The following FLT3LG variants were observed in gnomAD, a reference collection of about 807,000 sequenced individuals.
The protein encoded by FLT3LG is fms-related tyrosine kinase 3 ligand.
Under a neutral mutation model 30.9 loss-of-function variants are expected in FLT3LG, and 8 were observed. That is an observed-to-expected ratio of 0.26 (90% CI 0.15 to 0.47). The LOEUF (loss-of-function observed/expected upper bound fraction) is 0.47. FLT3LG is among the 20% of genes least tolerant of loss of function. FLT3LG has a pLI of 0.99. For missense variants in FLT3LG, 278 were observed against 306.2 expected (o/e 0.91, Z 0.69); for synonymous variants, 123 against 135.9 (o/e 0.91, Z 0.66).
At position 49,476,658 on chromosome 19, in the gene FLT3LG, G is replaced by A; in HGVS notation, c.342+92G>A. On this transcript the variant is annotated intron_variant, in intron 5 of 8. Coordinates refer to ENST00000597551, the MANE Select transcript of FLT3LG (RefSeq NM_001459.4). The surrounding 1 kb of genome is among the most constrained non-coding windows in gnomAD (Gnocchi z 5.3). ...TCCACTAGGCCTTATTGGCGATTTGGACCATAGCCACCCAACGAAGGTAGA... is the reference window on the plus strand; with the variant it reads ...TCCACTAGGCCTTATTGGCGATTTGAACCATAGCCACCCAACGAAGGTAGA... The A allele has an allele frequency of 2.6e-6, 4 of 1,552,070 alleles. No individual in the cohort carries two copies. Among genetic ancestry groups the A allele is most frequent in the Non-Finnish European group, 3.5e-6 (4 of 1,137,556 alleles).
At chr19:49,477,650 G>A (rs2079440946) in intron 5 of FLT3LG, among the ~76,000 whole-genome samples, 1 of 151,650 alleles carries the variant, frequency 6.6e-6, no homozygotes, top group Non-Finnish European at 1.5e-5. Flanking sequence ...ACTGAGGCAG[G>A]AGAATTGCTT....
rs1264418086 is a variant in FLT3LG at position 49,476,560 on chromosome 19, C to T, written c.336C>T (p.Ala112=). The T allele has an allele frequency of 6.2e-7, 1 of 1,614,020 alleles. No homozygotes were observed. Among genetic ancestry groups the T allele is most frequent in the African/African-American group, 1.3e-5 (1 of 74,926 alleles). The stretch of plus-strand genomic sequence containing the variant: ...AGATACACTTTGTCACCAAATGTGC[C>T]TTTCAGGTCAGCCCTCAACTTAGGG... ...NTEIHFVTKC[A]FQPPPSCLRF... Residue 112 remains alanine (A), a synonymous_variant, in exon 5 of 9, where the codon GCC becomes GCT. Transcript: ENST00000597551. The surrounding 1 kb of genome is among the most constrained non-coding windows in gnomAD (Gnocchi z 5.3).
At chr19:49,479,127 C>A in intron 6 of FLT3LG, 80 bp downstream of exon 6, 1 of 1,245,374 alleles carries the variant, frequency 8.0e-7, no homozygotes, top group Non-Finnish European at 1.1e-6. Context: ...GCATCCCAGA[C>A]CCCATCTTTC....
At position 49,474,651 on chromosome 19, in the gene FLT3LG, G is replaced by A. The variant is rs777122834; in HGVS notation, c.12G>A (p.Leu4=). ...GGCCCCCGGCCGAAATGACAGTGCT[G>A]GCGCCAGCCTGGAGCCCAACAGTGC... MTV[L]APAWSPTTYL... is the part of the protein sequence containing the mutation. The change falls in exon 2 of 9, where the codon CTG becomes CTA. Residue 4 remains leucine (L), a synonymous_variant. Coordinates refer to ENST00000597551, the MANE Select transcript of FLT3LG (RefSeq NM_001459.4). 1.2e-6 allele frequency: 2 copies of A among 1,612,654 alleles called. No individual in the cohort carries two copies. Among genetic ancestry groups the A allele is most frequent in the African/African-American group, 2.7e-5 (2 of 74,850 alleles).
chr19:49,474,761 G>C (rs2079314446), intron 2 of FLT3LG, 89 bp downstream of exon 2: 1 of 1,378,458 alleles, frequency 7.3e-7, no homozygotes, highest in African/African-American at 1.4e-5. Flanking sequence ...CGGGAGAACA[G>C]ATGGACAGAT....
intron 5 of FLT3LG, among the ~76,000 whole-genome samples, chr19:49,478,647 C>T (rs2122516515): frequency 6.6e-6 from 1 of 152,046 alleles, no homozygotes; most frequent in East Asian, 1.9e-4. Context: ...GTGGTGGGCA[C>T]CTATAGTCCC....
intron 8 of FLT3LG, among the ~76,000 whole-genome samples, chr19:49,482,602 C>T (rs981372247): frequency 8.6e-5 from 13 of 150,836 alleles, no homozygotes; most frequent in Non-Finnish European, 1.6e-4. Flanking sequence ...GCCACCTGTG[C>T]GATTTTCACT....
chr19:49,474,467 G>A (rs1032771997), intron 1 of FLT3LG, 136 bp from the exon 2 acceptor site: 5 of 647,544 alleles, frequency 7.7e-6, no homozygotes, highest in Non-Finnish European at 1.4e-5. Flanking sequence ...TGGGGCAGAC[G>A]CAGGAAGCCT....
chr19:49,485,016 G>A (rs993351778), intron 8 of FLT3LG, among the ~76,000 whole-genome samples: 1 of 151,938 alleles, frequency 6.6e-6, no homozygotes, highest in Non-Finnish European at 1.5e-5. Flanking sequence ...GAACCCGGGA[G>A]GCAGAGGCTG....
intron 2 of FLT3LG, 93 bp from the exon 3 acceptor site, chr19:49,475,598 G>T: frequency 1.4e-6 from 2 of 1,467,522 alleles, no homozygotes; most frequent in Non-Finnish European, 1.8e-6. Context: ...GGAAGGAGGA[G>T]CGGGGAAGAC....
intron 8 of FLT3LG, among the ~76,000 whole-genome samples, chr19:49,483,291 T>C (rs1376473015): frequency 6.6e-6 from 1 of 151,704 alleles, no homozygotes; most frequent in Non-Finnish European, 1.5e-5. Flanking sequence ...CTAATTTTTG[T>C]ACTTTTAGTA....
At position 49,486,019 on chromosome 19, in the gene FLT3LG, G is replaced by A. The variant is rs2122600115; in HGVS notation, c.*26G>A. 1 of 152,576 alleles carries A rather than the reference G, an allele frequency of 6.6e-6. No homozygotes were observed. Among genetic ancestry groups the A allele is most frequent in the Admixed American group, 6.5e-5 (1 of 15,302 alleles). 9.5% of individuals were successfully genotyped at this position (152,576 alleles called of 1,614,324 possible). A position where few individuals can be genotyped will look rare whatever the true frequency, so the allele number is the denominator to read the frequency against. On this transcript the variant is annotated 3_prime_UTR_variant, in exon 9 of 9. Transcript: ENST00000597551. Reference sequence around the variant, plus strand: ...ATCTATCATCCCATTTTACAGGGGAGGATACTGAGGCACACAGAGGGGAGT... The same window carrying A: ...ATCTATCATCCCATTTTACAGGGGAAGATACTGAGGCACACAGAGGGGAGT...
intron 6 of FLT3LG, 64 bp downstream of exon 6, chr19:49,479,111 C>T (rs2079504096): frequency 2.1e-6 from 3 of 1,457,950 alleles, no homozygotes; most frequent in Non-Finnish European, 9.3e-7. Context: ...CTCCTCTCTG[C>T]ACAGTGCATC....
intron 5 of FLT3LG, among the ~76,000 whole-genome samples, chr19:49,478,328 G>A (rs910445634): frequency 4.0e-5 from 6 of 151,740 alleles, no homozygotes; most frequent in Admixed American, 1.3e-4. Flanking sequence ...TTAGCCGGGC[G>A]TGGTGGCAGG....
chr19:49,480,277 C>T (rs2079555596), intron 6 of FLT3LG, 21 bp from the exon 7 acceptor site: 3 of 1,546,260 alleles, frequency 1.9e-6, no homozygotes, highest in African/African-American at 1.4e-5. Context: ...CTTGGTCACC[C>T]AGCCTCCTCT....
At chr19:49,485,877 TAGTA>T (rs2122598542) in intron 8 of FLT3LG, 134 bp from the exon 9 acceptor site, 1 of 152,340 alleles carries the variant, frequency 6.6e-6, no homozygotes, top group East Asian at 1.9e-4. Context: ...CCCTAGCACA[TAGTA>T]AGCGCTTGCT....
intron 8 of FLT3LG, 133 bp downstream of exon 8, chr19:49,480,753 C>T: frequency 1.1e-6 from 1 of 939,170 alleles, no homozygotes; most frequent in East Asian, 2.6e-5. Flanking sequence ...CCTCTGGGGC[C>T]AGGCGCGGTG....
At chr19:49,478,583 G>A (rs573377201) in intron 5 of FLT3LG, among the ~76,000 whole-genome samples, 2 of 152,080 alleles carry the variant, frequency 1.3e-5, no homozygotes, top group African/African-American at 4.8e-5. Flanking sequence ...GACCAGCCTG[G>A]CCAACATGGA....
chr19:49,480,202 C>A, intron 6 of FLT3LG, 96 bp from the exon 7 acceptor site: 1 of 862,854 alleles, frequency 1.2e-6, no homozygotes, highest in Non-Finnish European at 1.8e-6. Flanking sequence ...GCCAAGCAGC[C>A]CATCCAAGGT....
Sources: allele counts gnomAD v4.1 joint callset (sites outside exome capture counted in the v4.1 genomes callset), GRCh38; gene constraint gnomAD v4.1.1; non-coding constraint Gnocchi (gnomAD v3.1); transcripts MANE v1.5; gene names NCBI Gene and HGNC (gene_info 2026-07-23, HGNC 2026-07-21).